The following KIZ variants were observed in gnomAD, a reference collection of about 807,000 sequenced individuals.
The protein encoded by KIZ is kizuna centrosomal protein.
Under a neutral mutation model 79.6 loss-of-function variants are expected in KIZ, and 68 were observed. The ratio of observed to expected loss-of-function variants is 0.85; its 90% CI spans 0.70 to 1.05. The LOEUF (loss-of-function observed/expected upper bound fraction) is 1.05. Ranked by LOEUF, KIZ falls within the 50% of genes least tolerant of loss-of-function variation. The pLI is 0.00. For missense variants in KIZ, 797 were observed against 800.4 expected (o/e 1.00, Z 0.05); for synonymous variants, 280 against 281.8 (o/e 0.99, Z 0.06).
At chr20:21,162,587 C>T (rs1414260309) in intron 5 of KIZ, 80 bp downstream of exon 5, 2 of 1,062,230 alleles carry the variant, frequency 1.9e-6, no homozygotes, top group Non-Finnish European at 2.7e-6. Flanking sequence ...TACTAATTAT[C>T]TCTCTTTCAT....
At chr20:21,184,669 C>T (rs952631002) in intron 6 of KIZ, among the ~76,000 whole-genome samples, 3 of 152,182 alleles carry the variant, frequency 2.0e-5, no homozygotes, top group Non-Finnish European at 4.4e-5. Context: ...AGCTTCCCTT[C>T]AGTGAGGGAA....
At chr20:21,139,867 G>C (rs2032417473) in intron 3 of KIZ, among the ~76,000 whole-genome samples, 1 of 152,062 alleles carries the variant, frequency 6.6e-6, no homozygotes, top group Non-Finnish European at 1.5e-5. Context: ...TTGAATTTTG[G>C]ATAAGGAATG....
chr20:21,208,748 G>A (rs1267809493), intron 7 of KIZ, among the ~76,000 whole-genome samples: 3 of 152,084 alleles, frequency 2.0e-5, no homozygotes, highest in Admixed American at 6.5e-5. Context: ...ATCCAGTTAG[G>A]TTGTGACTGA....
chr20:21,140,638 G>A (rs1372481817), intron 3 of KIZ, among the ~76,000 whole-genome samples: 1 of 152,076 alleles, frequency 6.6e-6, no homozygotes, highest in Non-Finnish European at 1.5e-5. Context: ...TATCTATGCT[G>A]CTACTTGTCA....
chr20:21,176,285 CAGTG>C (rs2034430538), intron 6 of KIZ, among the ~76,000 whole-genome samples: 1 of 152,070 alleles, frequency 6.6e-6, no homozygotes, highest in Non-Finnish European at 1.5e-5. Context: ...ACCCTATCCT[CAGTG>C]AGAGAGTGAG....
At chr20:21,243,943 C>G (rs969598194) in intron 11 of KIZ, among the ~76,000 whole-genome samples, 1 of 152,166 alleles carries the variant, frequency 6.6e-6, no homozygotes, top group Non-Finnish European at 1.5e-5. Context: ...GGGGAACATG[C>G]GATCATCCTC....
In KIZ at chr20:21,153,079, C is replaced by T. The variant is rs781613036; in HGVS notation, c.405+7425C>T. Reference sequence around the variant, plus strand: ...TGAGTTTAAATCCTGGCTCTGTGAACATGGACAAGTTGCTCAACCTGGCTA... The same window carrying T: ...TGAGTTTAAATCCTGGCTCTGTGAATATGGACAAGTTGCTCAACCTGGCTA... On this transcript the variant is annotated intron_variant, in intron 4 of 12. Coordinates refer to ENST00000619189, the MANE Select transcript of KIZ (RefSeq NM_018474.6). 7.5e-4 allele frequency among the ~76,000 whole-genome samples: 114 copies of T among 152,170 alleles called. 1 individual carries two copies. Among genetic ancestry groups the T allele is most frequent in the Non-Finnish European group, 1.3e-4 (9 of 68,032 alleles).
chr20:21,151,918 A>AC (rs2033140419), intron 4 of KIZ: 1 of 152,234 alleles, frequency 6.6e-6, no homozygotes, highest in Non-Finnish European at 1.5e-5. Flanking sequence ...AAGCAGCCTG[A>AC]ATGAGCAGCT....
Position 21,172,315 on chromosome 20 carries a change from T to C in KIZ, c.1352+9156T>C, listed in dbSNP as rs185476164. 2.2e-4 allele frequency among the ~76,000 whole-genome samples: 34 copies of C among 152,266 alleles called. No individual in the cohort carries two copies. The East Asian group carries it at 6.2e-3, about 28-fold the overall frequency. ...TAAACAATCTGTGTGAAAAGTATTATGACAAAGGGCCAGGCACGGTGACTA... is the reference window on the plus strand; with the variant it reads ...TAAACAATCTGTGTGAAAAGTATTACGACAAAGGGCCAGGCACGGTGACTA... On this transcript the variant is annotated intron_variant, in intron 6 of 12. Transcript: ENST00000619189.
chr20:21,200,684 C>G (rs2035559154), intron 6 of KIZ, among the ~76,000 whole-genome samples: 1 of 152,074 alleles, frequency 6.6e-6, no homozygotes, highest in African/African-American at 2.4e-5. Context: ...AATGCTCCGC[C>G]CTCCTGCCAC....
chr20:21,157,897 G>A (rs983370803), intron 4 of KIZ, among the ~76,000 whole-genome samples: 13 of 152,104 alleles, frequency 8.5e-5, no homozygotes, highest in African/African-American at 2.9e-4. Flanking sequence ...AACTGGTCTT[G>A]AAAATGAAAA....
chr20:21,185,881 T>C (rs2034857360), intron 6 of KIZ, among the ~76,000 whole-genome samples: 1 of 152,208 alleles, frequency 6.6e-6, no homozygotes, highest in Admixed American at 6.5e-5. Context: ...CCTGCTGGAA[T>C]TATTCTACAT....
chr20:21,139,807 A>G (rs1299956853), intron 3 of KIZ, among the ~76,000 whole-genome samples: 1 of 152,216 alleles, frequency 6.6e-6, no homozygotes, highest in African/African-American at 2.4e-5. Flanking sequence ...TAGGAATATG[A>G]AAAGCTTTAT....
chr20:21,220,570 G>A (rs1389597010), intron 9 of KIZ, among the ~76,000 whole-genome samples: 1 of 152,060 alleles, frequency 6.6e-6, no homozygotes, highest in East Asian at 1.9e-4. Context: ...TGCAACCTCT[G>A]CCTCCCGGGT....
intron 2 of KIZ, among the ~76,000 whole-genome samples, chr20:21,134,661 T>G (rs978203237): frequency 2.5e-5 from 3 of 120,032 alleles, no homozygotes; most frequent in African/African-American, 7.0e-5. Context: ...ATCTTTCAGG[T>G]TTTTTTTTTT....
At chr20:21,215,507 A>T in intron 8 of KIZ, 76 bp from the exon 9 acceptor site, 2 of 765,890 alleles carry the variant, frequency 2.6e-6, no homozygotes, top group Non-Finnish European at 4.2e-6. Flanking sequence ...GTGAACATAA[A>T]GGGAAGGACA....
intron 6 of KIZ, chr20:21,166,719 A>AC: frequency 1.6e-6 from 1 of 615,296 alleles, no homozygotes; most frequent in Non-Finnish European, 2.8e-6. Context: ...CAGCTTCCCA[A>AC]AGTGTTGGGA....
At chr20:21,215,798 A>G (rs2036263769) in intron 9 of KIZ, 150 bp downstream of exon 9, 1 of 530,844 alleles carries the variant, frequency 1.9e-6, no homozygotes. Context: ...CTAAGAGCAG[A>G]ACATATATAC....
intron 2 of KIZ, 35 bp downstream of exon 2, chr20:21,132,194 G>T (rs1190358964): frequency 3.0e-6 from 3 of 1,007,888 alleles, no homozygotes; most frequent in Non-Finnish European, 4.4e-6. Context: ...TTTCAAGCCA[G>T]GTTCCATATA....
Sources: allele counts gnomAD v4.1 joint callset (sites outside exome capture counted in the v4.1 genomes callset), GRCh38; gene constraint gnomAD v4.1.1; transcripts MANE v1.5; gene names NCBI Gene and HGNC (gene_info 2026-07-23, HGNC 2026-07-21).